Variants in DPAGT1 observed in about 807,000 individuals in gnomAD.
DPAGT1 encodes UDP-N-acetylglucosamine--dolichyl-phosphate N-acetylglucosaminephosphotransferase.
In DPAGT1, 25 loss-of-function variants were observed where a neutral mutation model predicts 39.3. That is an observed-to-expected ratio of 0.64 (90% CI 0.46 to 0.89). The LOEUF (loss-of-function observed/expected upper bound fraction) is 0.89, where lower values mean the gene tolerates loss of function less well. Ranked by LOEUF, DPAGT1 falls within the 40% of genes least tolerant of loss-of-function variation. DPAGT1 has a pLI of 0.00. For missense variants in DPAGT1, 381 were observed against 500.6 expected (o/e 0.76, Z 2.28); for synonymous variants, 193 against 201.4 (o/e 0.96, Z 0.36).
At chr11:119,100,154 T>C (rs1421587862) in intron 4 of DPAGT1, 108 bp downstream of exon 4, 6 of 1,538,554 alleles carry the variant, frequency 3.9e-6, no homozygotes, top group Non-Finnish European at 5.4e-6. Flanking sequence ...CCTTATCTTC[T>C]ATAATTACTA....
chr11:119,100,499 G>T, intron 3 of DPAGT1, 91 bp from the exon 4 acceptor site: 1 of 1,602,556 alleles, frequency 6.2e-7, no homozygotes, highest in South Asian at 1.1e-5. Context: ...CGGACGATAG[G>T]ATGAAGGGCT....
chr11:119,097,906 G>A lies in DPAGT1; in HGVS notation c.866C>T (p.Ser289Leu). ...GATGATATGCAGGAGCTGAGGCAGTGAGTAGAGGAAGTTGAACACCTGGGG... is the reference window on the plus strand; with the variant it reads ...GATGATATGCAGGAGCTGAGGCAGTAAGTAGAGGAAGTTGAACACCTGGGG... ...FMPQVFNFLY[S>L]LPQLLHIIPC... The change falls in exon 6 of 9, where the codon TCA becomes TTA. Residue 289 changes from serine (S) to leucine (L), a missense_variant. Coordinates refer to ENST00000354202, the MANE Select transcript of DPAGT1 (RefSeq NM_001382.4). The surrounding 1 kb of genome is among the most constrained non-coding windows in gnomAD (Gnocchi z 4.6). 3 of 1,614,216 alleles carry A rather than the reference G, an allele frequency of 1.9e-6. No homozygotes were observed. The South Asian group carries it at 3.3e-5, about 18-fold the overall frequency.
At position 119,097,546 on chromosome 11, in the gene DPAGT1, T is replaced by C. The variant is rs1946420412; in HGVS notation, c.923A>G (p.Asn308Ser). ...CATCTCCAGTTTGCCTGTCTTGATATTGAGTCTGCGGGGGGAAGATAGCTT... is the reference window on the plus strand; with the variant it reads ...CATCTCCAGTTTGCCTGTCTTGATACTGAGTCTGCGGGGGGAAGATAGCTT... ...PCPRHRIPRL[N>S]IKTGKLEMSY... The change falls in exon 7 of 9, where the codon AAT becomes AGT. Residue 308 changes from asparagine (N) to serine (S), a missense_variant. Coordinates refer to ENST00000354202, the MANE Select transcript of DPAGT1 (RefSeq NM_001382.4). The surrounding 1 kb of genome is among the most constrained non-coding windows in gnomAD (Gnocchi z 4.6). 1.2e-6 allele frequency: 2 copies of C among 1,614,178 alleles called. No individual in the cohort carries two copies. Among genetic ancestry groups the C allele is most frequent in the Non-Finnish European group, 1.7e-6 (2 of 1,180,036 alleles).
rs767229274 is a variant in DPAGT1, at chr11:119,100,697, G to T, written c.429C>A (p.Asn143Lys). Residue 143 changes from asparagine to lysine, a missense_variant, in exon 3 of 9, where the codon AAC becomes AAA. Physicochemically the swap from Asn to Lys is moderately conservative, Grantham distance 94 (BLOSUM62 0). Coordinates refer to ENST00000354202, the MANE Select transcript of DPAGT1 (RefSeq NM_001382.4). Reference protein sequence around the residue: ...SLPLLMVYFTNFGNTTIVVPK... With the variant: ...SLPLLMVYFTKFGNTTIVVPK... ...GCACCACAATGGTCGTGTTGCCAAA[G>T]TTGGTGAAATAGACCATGAGGAGAG... The T allele has an allele frequency of 8.1e-6, 13 of 1,614,198 alleles. No homozygotes were observed. Among genetic ancestry groups the T allele is most frequent in the Non-Finnish European group, 1.1e-5 (13 of 1,180,030 alleles).
At chr11:119,094,861 T>A (rs1946363505), downstream of DPAGT1, 1 of 1,240,774 alleles carries the variant, frequency 8.1e-7, no homozygotes, top group Non-Finnish European at 1.1e-6. Context: ...TGCCCCGCAG[T>A]CTGAAGCGGC....
At position 119,101,617 on chromosome 11, in the gene DPAGT1, G is replaced by C; in HGVS notation, c.39C>G (p.Ile13Met). 6.2e-7 allele frequency: 1 copy of C among 1,614,264 alleles called. No individual in the cohort carries two copies. Among genetic ancestry groups the C allele is most frequent in the Non-Finnish European group, 8.5e-7 (1 of 1,180,048 alleles). The change falls in exon 1 of 9, where the codon ATC becomes ATG. Residue 13 changes from isoleucine (I) to methionine (M), a missense_variant. Transcript: ENST00000354202. ...ATCCCAGCAGCGAGACGATCAAATT[G>C]ATCAGCAGCGGCATGGGCAATTCCG... is the stretch of plus-strand genomic sequence containing the variant. The part of the protein sequence containing the change: ...AFSELPMPLL[I>M]NLIVSLLGFV...
At chr11:119,098,245 T>C in intron 5 of DPAGT1, 158 bp downstream of exon 5, 2 of 1,099,280 alleles carry the variant, frequency 1.8e-6, no homozygotes, top group Non-Finnish European at 2.8e-6. Flanking sequence ...TAACTACTAC[T>C]GGGTAGAGAG....
downstream of DPAGT1, chr11:119,095,408 A>T (rs1489463023): frequency 6.6e-6 from 10 of 1,526,068 alleles, no homozygotes; most frequent in Non-Finnish European, 8.7e-6. Context: ...AGCGAGGTAG[A>T]CCGGTGAAGC....
chr11:119,100,619 G>C lies in DPAGT1; in HGVS notation c.496+11C>G. ...AGGTGCCATAGGGGCAGCAGTGGTA[G>C]GACTACCTACCCAAGTCCAGATGCA... On this transcript the variant is annotated intron_variant, in intron 3 of 8. Transcript: ENST00000354202. 1 of 1,613,912 alleles carries C rather than the reference G, an allele frequency of 6.2e-7. No homozygotes were observed. The highest frequency in any genetic ancestry group is 8.5e-7 in the Non-Finnish European group (1 of 1,179,956).
At chr11:119,095,786 T>A (rs916257841), downstream of DPAGT1, among the ~76,000 whole-genome samples, 1 of 151,996 alleles carries the variant, frequency 6.6e-6, no homozygotes, top group Admixed American at 6.6e-5. Flanking sequence ...TGAGGCCACC[T>A]AGAGAGCGTC....
In DPAGT1 at chr11:119,097,650, CTA is replaced by C. The variant is rs1946422347; in HGVS notation, c.918-101_918-100del. ...ATTGAATGTGGAGTCAACCTGAGATCTATTTCTGGCTCTGCTGCTTACTGTTA... is the reference window on the plus strand; with the variant it reads ...ATTGAATGTGGAGTCAACCTGAGATCTTTCTGGCTCTGCTGCTTACTGTTA... On this transcript the variant is annotated intron_variant, in intron 6 of 8. Coordinates refer to ENST00000354202, the MANE Select transcript of DPAGT1 (RefSeq NM_001382.4). This position sits in a 1 kb window ranked among gnomAD's most constrained non-coding sequence, Gnocchi z 4.6. The C allele has an allele frequency of 2.0e-6, 3 of 1,472,446 alleles. No homozygotes were observed. The highest frequency in any genetic ancestry group is 2.8e-6 in the Non-Finnish European group (3 of 1,053,642). The allele number at this position is 1,472,446 out of a possible 1,614,324, so 91.2% of individuals were successfully genotyped here.
At chr11:119,095,170 CTTG>C (rs770639536), downstream of DPAGT1, 28 of 1,613,926 alleles carry the variant, frequency 1.7e-5, no homozygotes, top group Admixed American at 1.7e-5. Flanking sequence ...TTCGCGTCTT[CTTG>C]TTGTCGCGGG....
rs754324420 is a variant in DPAGT1, at chr11:119,101,656, G to C, written c.-1C>G. 6.2e-7 allele frequency: 1 copy of C among 1,614,154 alleles called. No homozygotes were observed. Among genetic ancestry groups the C allele is most frequent in the South Asian group, 1.1e-5 (1 of 91,092 alleles). On this transcript the variant is annotated 5_prime_UTR_variant, in exon 1 of 9. Transcript: ENST00000354202. ...TGGGCAATTCCGAGAAGGCCCACAT[G>C]GTGACCGGTCAGGGGCCCGGCTCCG...
At chr11:119,101,406 T>A in intron 1 of DPAGT1, 89 bp downstream of exon 1, 1 of 1,607,812 alleles carries the variant, frequency 6.2e-7, no homozygotes, top group African/African-American at 1.3e-5. Context: ...AGTCTTCACG[T>A]GTGGTCAAGC....
chr11:119,097,126 C>G lies in DPAGT1; in HGVS notation c.1161+16G>C. ...AAAGGGAGACACGGAGGTATAAACTCGATTCCCATCCTCACCTGCAGCAGC... is the reference window on the plus strand; with the variant it reads ...AAAGGGAGACACGGAGGTATAAACTGGATTCCCATCCTCACCTGCAGCAGC... On this transcript the variant is annotated intron_variant, in intron 8 of 8. Transcript: ENST00000354202. This position sits in a 1 kb window ranked among gnomAD's most constrained non-coding sequence, Gnocchi z 4.6. 5 of 1,614,176 alleles carry G rather than the reference C, an allele frequency of 3.1e-6. No homozygotes were observed. Among genetic ancestry groups the G allele is most frequent in the Non-Finnish European group, 4.2e-6 (5 of 1,180,032 alleles).
downstream of DPAGT1, chr11:119,094,926 T>C: frequency 1.3e-6 from 2 of 1,564,880 alleles, no homozygotes; most frequent in African/African-American, 1.4e-5. Flanking sequence ...TGTGGTGGCA[T>C]GGGGAGGCCT....
Position 119,097,526 on chromosome 11 carries a change from C to T in DPAGT1, c.943G>A (p.Glu315Lys), listed in dbSNP as rs545736353. ...GTCTTGAACTTGGAATAGCTCATCT[C>T]CAGTTTGCCTGTCTTGATATTGAGT... Reference protein sequence around the residue: ...PRLNIKTGKLEMSYSKFKTKS... With the variant: ...PRLNIKTGKLKMSYSKFKTKS... Residue 315 changes from glutamate to lysine, a missense_variant, in exon 7 of 9, where the codon GAG becomes AAG. Glu to Lys is a moderately conservative substitution (Grantham distance 56). Transcript: ENST00000354202. The surrounding 1 kb of genome is among the most constrained non-coding windows in gnomAD (Gnocchi z 4.6). 1.9e-6 allele frequency: 3 copies of T among 1,614,150 alleles called. No individual in the cohort carries two copies. In the South Asian group the frequency reaches 3.3e-5, roughly 18 times the overall value.
downstream of DPAGT1, chr11:119,094,959 C>T: frequency 6.3e-7 from 1 of 1,594,598 alleles, no homozygotes; most frequent in African/African-American, 1.4e-5. Context: ...CGGCGCGGGC[C>T]CTCTTAGTAC....
At chr11:119,095,469 G>A (rs1355233221), downstream of DPAGT1, 36 of 1,428,292 alleles carry the variant, frequency 2.5e-5, no homozygotes, top group Non-Finnish European at 3.2e-5. Context: ...AACTGCTGTC[G>A]CGCGCGCGCC....
Sources: allele counts gnomAD v4.1 joint callset (sites outside exome capture counted in the v4.1 genomes callset), GRCh38; gene constraint gnomAD v4.1.1; non-coding constraint Gnocchi (gnomAD v3.1); transcripts MANE v1.5; gene names NCBI Gene and HGNC (gene_info 2026-07-23, HGNC 2026-07-21).